The following NFATC1 variants were observed in gnomAD, a reference collection of about 807,000 sequenced individuals.
NFATC1 encodes the protein nuclear factor of activated T cells 1.
A neutral mutation model predicts 76.0 loss-of-function variants in NFATC1; 22 were observed. The ratio of observed to expected loss-of-function variants is 0.29; its 90% confidence interval spans 0.21 to 0.41. NFATC1 has a LOEUF of 0.41. Among genes scored for constraint, NFATC1 ranks in the 10% least tolerant of loss-of-function variants. The pLI, the probability that NFATC1 is intolerant of heterozygous loss-of-function variation, is 1.00. For synonymous variants in NFATC1, 704 were observed against 613.1 expected (o/e 1.15, Z -2.19); for missense variants, 1,357 against 1,337.7 (o/e 1.01, Z -0.23).
intron 9 of NFATC1, among the ~76,000 whole-genome samples, chr18:79,504,329 C>T (rs1238611044): frequency 1.3e-5 from 2 of 152,110 alleles, no homozygotes; most frequent in Non-Finnish European, 2.9e-5. Context: ...AACTTGGAGG[C>T]TGTCGTAGGG....
chr18:79,410,517 C>G lies in NFATC1; in HGVS notation c.242C>G (p.Pro81Arg). 6.2e-7 allele frequency: 1 copy of G among 1,611,918 alleles called. No homozygotes were observed. The change falls in exon 2 of 10, where the codon CCG becomes CGG. Residue 81 changes from proline (P) to arginine (R), a missense_variant. Physicochemically the swap from Pro to Arg is moderately radical, Grantham distance 103 (BLOSUM62 -2). Transcript: ENST00000427363. The surrounding 1 kb of genome is among the most constrained non-coding windows in gnomAD (Gnocchi z 6.7). ...CAGACCTCCACACCGGGCATCATCC[C>G]GCCGGCGGATCACCCCTCGGGGTAC... ...NLQTSTPGIIPPADHPSGYGA... is the reference protein window; with the variant it reads ...NLQTSTPGIIRPADHPSGYGA...
intron 9 of NFATC1, among the ~76,000 whole-genome samples, chr18:79,500,164 C>G (rs1033465286): frequency 6.6e-6 from 1 of 152,122 alleles, no homozygotes; most frequent in Admixed American, 6.5e-5. Flanking sequence ...GGATAGACTT[C>G]CTACTATGCC....
chr18:79,527,895 G>A lies in NFATC1; in HGVS notation c.*318G>A, dbSNP rs2090811395. The A allele has an allele frequency of 4.5e-6, 2 of 447,972 alleles. No homozygotes were observed. Among genetic ancestry groups the A allele is most frequent in the Non-Finnish European group, 7.9e-6 (2 of 253,576 alleles). 27.7% of individuals were successfully genotyped at this position (447,972 alleles called of 1,614,324 possible). Reference sequence around the variant, plus strand: ...CACACGCAGTTTGACCCCACGCCCAGCCCTTCTGGCACCCCTGGGGTTCAA... The same window carrying A: ...CACACGCAGTTTGACCCCACGCCCAACCCTTCTGGCACCCCTGGGGTTCAA... On this transcript the variant is annotated 3_prime_UTR_variant, in exon 10 of 10. Transcript: ENST00000427363.
intron 9 of NFATC1, among the ~76,000 whole-genome samples, chr18:79,511,601 G>A (rs566593131): frequency 5.3e-4 from 80 of 152,144 alleles, no homozygotes; most frequent in Admixed American, 1.0e-3. Context: ...TGGAGGGGTG[G>A]AGGGCAGGTT....
intron 2 of NFATC1, among the ~76,000 whole-genome samples, chr18:79,416,583 TC>T (rs2085883484): frequency 6.6e-6 from 1 of 152,248 alleles, no homozygotes; most frequent in Admixed American, 6.5e-5. Context: ...CGTGGGGTCT[TC>T]CCCGAGCTTC....
intron 3 of NFATC1, among the ~76,000 whole-genome samples, chr18:79,435,444 G>T (rs1314914431): frequency 1.3e-5 from 2 of 151,950 alleles, no homozygotes; most frequent in African/African-American, 4.8e-5. Flanking sequence ...TGTCTCCTGG[G>T]TTCAAGTGAT....
chr18:79,449,482 C>T (rs900725932), intron 4 of NFATC1, among the ~76,000 whole-genome samples: 2 of 152,232 alleles, frequency 1.3e-5, no homozygotes, highest in Non-Finnish European at 2.9e-5. Context: ...TAAGGCCTTA[C>T]TCACTTAATC....
At chr18:79,525,055 C>T (rs1250297285) in intron 9 of NFATC1, among the ~76,000 whole-genome samples, 8 of 109,738 alleles carry the variant, frequency 7.3e-5, no homozygotes, top group East Asian at 2.3e-4. Flanking sequence ...CGTCGTTACC[C>T]CTCAGTCCTC....
intron 8 of NFATC1, among the ~76,000 whole-genome samples, chr18:79,472,572 C>T (rs2088830355): frequency 6.6e-6 from 1 of 152,214 alleles, no homozygotes; most frequent in Admixed American, 6.5e-5. Context: ...CCCAAATCAC[C>T]CTTTCGCTGC....
At chr18:79,501,513 G>T (rs1332232374) in intron 9 of NFATC1, among the ~76,000 whole-genome samples, 1 of 152,158 alleles carries the variant, frequency 6.6e-6, no homozygotes, top group Non-Finnish European at 1.5e-5. Flanking sequence ...GAAATAAAAG[G>T]CAACCGGAAT....
chr18:79,411,530 G>A lies in NFATC1; in HGVS notation c.1226+29G>A, dbSNP rs780262289. On this transcript the variant is annotated intron_variant, in intron 2 of 9. Transcript: ENST00000427363. Reference sequence around the variant, plus strand: ...AGCCGGCAGCGCGGGGCGGGACGGGGAGGCGAGGGGAGGCGCGGGGCGGGG... The same window carrying A: ...AGCCGGCAGCGCGGGGCGGGACGGGAAGGCGAGGGGAGGCGCGGGGCGGGG... 1.2e-4 allele frequency: 171 copies of A among 1,391,978 alleles called. 1 individual carries two copies. In the South Asian group the frequency reaches 2.1e-3, roughly 17 times the overall value. The allele number at this position is 1,391,978 out of a possible 1,614,324, so 86.2% of individuals were successfully genotyped here.
chr18:79,410,118 G>T lies in NFATC1; in HGVS notation c.128-285G>T, dbSNP rs376768740. ...GAGCGGAACCCGTGAGGACCCGGCC[G>T]CCTCTCCCTGGGAAGGACGTTCGGG... On this transcript the variant is annotated intron_variant, in intron 1 of 9. Coordinates refer to ENST00000427363, the MANE Select transcript of NFATC1 (RefSeq NM_001278669.2). This position sits in a 1 kb window ranked among gnomAD's most constrained non-coding sequence, Gnocchi z 6.7. 2 of 738,522 alleles carry T rather than the reference G, an allele frequency of 2.7e-6. No homozygotes were observed. Among genetic ancestry groups the T allele is most frequent in the Non-Finnish European group, 5.0e-6 (2 of 401,158 alleles). The allele number at this position is 738,522 out of a possible 1,614,324, so 45.7% of individuals were successfully genotyped here.
rs570423872 is a variant in NFATC1 at position 79,480,263 on chromosome 18, G to A, written c.2093-5985G>A. Among the ~76,000 whole-genome samples, 228 of 152,326 alleles carry A rather than the reference G, an allele frequency of 1.5e-3. 1 individual carries two copies. The highest frequency in any genetic ancestry group is 3.7e-3 in the African/African-American group (153 of 41,564). ...ACACGAGTTTATTCCTGAGAGGAGC[G>A]TGTTGCCACAGCCTCTGTGGACTGG... On this transcript the variant is annotated intron_variant, in intron 8 of 9. Transcript: ENST00000427363.
At chr18:79,439,035 G>T (rs570774442) in intron 3 of NFATC1, among the ~76,000 whole-genome samples, 1 of 152,222 alleles carries the variant, frequency 6.6e-6, no homozygotes, top group Non-Finnish European at 1.5e-5. Flanking sequence ...TTCTCACTTT[G>T]TGTGGTACCT....
At chr18:79,413,133 G>A (rs1380792873) in intron 2 of NFATC1, among the ~76,000 whole-genome samples, 1 of 152,186 alleles carries the variant, frequency 6.6e-6, no homozygotes, top group African/African-American at 2.4e-5. Context: ...CCAGGCTTAC[G>A]GACGGTGACA....
In NFATC1 at chr18:79,400,152, G is replaced by A. The variant is rs576840489; in HGVS notation, c.127+3801G>A. On this transcript the variant is annotated intron_variant, in intron 1 of 9. Transcript: ENST00000427363. ...GCGCGCGCGCGAGGGGGCGGGGGCG[G>A]GGGGGACACGAGTTTATTTAAAAAC... 1.2e-5 allele frequency: 13 copies of A among 1,040,500 alleles called. 1 individual carries two copies. The South Asian group carries it at 5.2e-4, about 41-fold the overall frequency. 64.5% of individuals were successfully genotyped at this position (1,040,500 alleles called of 1,614,324 possible).
At chr18:79,522,558 T>C (rs11660906) in intron 9 of NFATC1, among the ~76,000 whole-genome samples, 7,574 of 151,510 alleles carry the variant, frequency 0.05, 274 homozygotes, top group Admixed American at 0.085. Flanking sequence ...TGTCTGCTGA[T>C]GTGTGTGTTT....
chr18:79,449,438 T>TA (rs1047962770), intron 4 of NFATC1, among the ~76,000 whole-genome samples: 5 of 152,254 alleles, frequency 3.3e-5, no homozygotes, highest in African/African-American at 1.2e-4. Context: ...GTGAATTTTT[T>TA]AGTAAGGTGA....
At chr18:79,399,685 G>A (rs1229580657) in intron 1 of NFATC1, among the ~76,000 whole-genome samples, 1 of 152,210 alleles carries the variant, frequency 6.6e-6, no homozygotes, top group African/African-American at 2.4e-5. Context: ...CGGGTTTCCC[G>A]CGGGGCGGGG....
Sources: allele counts gnomAD v4.1 joint callset (sites outside exome capture counted in the v4.1 genomes callset), GRCh38; gene constraint gnomAD v4.1.1; non-coding constraint Gnocchi (gnomAD v3.1); transcripts MANE v1.5; gene names NCBI Gene and HGNC (gene_info 2026-07-23, HGNC 2026-07-21).